PPP2R2C: variants seen among roughly 807,000 people sequenced by gnomAD.
PPP2R2C encodes the protein protein phosphatase 2 regulatory subunit Bgamma.
Under a neutral mutation model 45.3 loss-of-function variants are expected in PPP2R2C, and 10 were observed. The ratio of observed to expected loss-of-function variants is 0.22; its 90% CI spans 0.14 to 0.37. The LOEUF is 0.37. Ranked by LOEUF, PPP2R2C falls within the 10% of genes least tolerant of loss-of-function variation. PPP2R2C has a pLI of 1.00. For missense variants in PPP2R2C, 308 were observed against 619.7 expected (o/e 0.50, Z 5.34); for synonymous variants, 257 against 245.4 (o/e 1.05, Z -0.44).
intron 2 of PPP2R2C, among the ~76,000 whole-genome samples, chr4:6,488,314 T>G (rs1370534450): frequency 6.6e-6 from 1 of 152,250 alleles, no homozygotes; most frequent in Non-Finnish European, 1.5e-5. Flanking sequence ...TTTTGCCTTT[T>G]AGGGTGCTGG....
At chr4:6,370,207 C>T (rs938424458) in intron 5 of PPP2R2C, among the ~76,000 whole-genome samples, 4 of 152,346 alleles carry the variant, frequency 2.6e-5, no homozygotes, top group African/African-American at 7.2e-5. Context: ...TGAGCTCTGG[C>T]TCTGCCCCTG....
chr4:6,336,580 G>T, intron 6 of PPP2R2C, among the ~76,000 whole-genome samples: 2 of 125,178 alleles, frequency 1.6e-5, no homozygotes, highest in Admixed American at 8.2e-5. Context: ...CAGCAAAGAT[G>T]CTGTACAGAG....
intron 2 of PPP2R2C, among the ~76,000 whole-genome samples, chr4:6,507,448 T>A (rs1393110185): frequency 1.3e-5 from 2 of 152,236 alleles, no homozygotes; most frequent in African/African-American, 4.8e-5. Context: ...CAGTTTCCAC[T>A]CTTGCCCTCT....
upstream of PPP2R2C, among the ~76,000 whole-genome samples, chr4:6,473,776 G>A (rs998214616): frequency 5.3e-5 from 8 of 152,228 alleles, no homozygotes; most frequent in African/African-American, 1.7e-4. Context: ...TGGGAAAGAC[G>A]AGGGAAGGTG....
chr4:6,511,373 C>CGGTGATGGTGGTGAT (rs1321886499), intron 2 of PPP2R2C, among the ~76,000 whole-genome samples: 1 of 111,462 alleles, frequency 9.0e-6, no homozygotes, highest in Non-Finnish European at 2.0e-5. Flanking sequence ...GTGGTGGTGG[C>CGGTGATGGTGGTGAT]GGTGATGGTG....
Position 6,407,281 on chromosome 4 carries a change from G to A in PPP2R2C, c.71-26187C>T, listed in dbSNP as rs146866094. 3.5e-3 allele frequency among the ~76,000 whole-genome samples: 534 copies of A among 152,348 alleles called. 2 individuals are homozygous for A. The highest frequency in any genetic ancestry group is 0.022 in the East Asian group (115 of 5,194). ...ATGGCCTTACAAGTGTGAGGCAAGT[G>A]GGGGAAGTCAACAATGACCCAGCAG... On this transcript the variant is annotated intron_variant, in intron 1 of 8. Transcript: ENST00000382599.
intron 1 of PPP2R2C, among the ~76,000 whole-genome samples, chr4:6,412,892 C>T (rs1335764217): frequency 8.5e-5 from 13 of 152,190 alleles, no homozygotes; most frequent in African/African-American, 3.1e-4. Flanking sequence ...AACAGGAAGT[C>T]GCCACCTGTG....
At chr4:6,446,891 AAC>A (rs1553900046) in intron 1 of PPP2R2C, among the ~76,000 whole-genome samples, 1 of 151,544 alleles carries the variant, frequency 6.6e-6, no homozygotes, top group Non-Finnish European at 1.5e-5. Flanking sequence ...AAAAAAAAAA[AAC>A]AAAACATGCT....
At chr4:6,544,632 C>T (rs979117435) in intron 1 of PPP2R2C, among the ~76,000 whole-genome samples, 2 of 152,268 alleles carry the variant, frequency 1.3e-5, no homozygotes, top group African/African-American at 4.8e-5. Flanking sequence ...CCAGCACACC[C>T]GGCTCCAAAA....
At chr4:6,472,905 G>T (rs957251870), upstream of PPP2R2C, among the ~76,000 whole-genome samples, 1 of 152,080 alleles carries the variant, frequency 6.6e-6, no homozygotes, top group Non-Finnish European at 1.5e-5. Flanking sequence ...TGCTGGGAAG[G>T]GGGCAGGAGG....
At chr4:6,562,433 A>G (rs899542836) in intron 1 of PPP2R2C, among the ~76,000 whole-genome samples, 2 of 145,468 alleles carry the variant, frequency 1.4e-5, no homozygotes, top group African/African-American at 5.1e-5. Flanking sequence ...TCCTTATCCT[A>G]TAATGGGGAT....
intron 1 of PPP2R2C, among the ~76,000 whole-genome samples, chr4:6,410,717 C>G (rs573824111): frequency 6.6e-6 from 1 of 152,096 alleles, no homozygotes; most frequent in Non-Finnish European, 1.5e-5. Flanking sequence ...CCACTTACCA[C>G]CCCAGTGAGC....
chr4:6,409,878 C>T (rs1239005719), intron 1 of PPP2R2C, among the ~76,000 whole-genome samples: 1 of 152,198 alleles, frequency 6.6e-6, no homozygotes, highest in African/African-American at 2.4e-5. Context: ...CTGCCTGGAA[C>T]ACCCTTCCTA....
chr4:6,404,546 C>T (rs1717660384), intron 1 of PPP2R2C, among the ~76,000 whole-genome samples: 1 of 152,188 alleles, frequency 6.6e-6, no homozygotes, highest in South Asian at 2.1e-4. Flanking sequence ...GCTTCTCACT[C>T]TAAAGGTTTG....
intron 1 of PPP2R2C, among the ~76,000 whole-genome samples, chr4:6,397,342 G>A (rs1002751744): frequency 6.6e-6 from 1 of 152,232 alleles, no homozygotes; most frequent in Non-Finnish European, 1.5e-5. Flanking sequence ...GCCAGGGGGA[G>A]GCCTCAGCCT....
rs60094669 is a variant in PPP2R2C, at chr4:6,373,901, A to ATGTGTGTG, written c.448-1209_448-1202dup. Among the ~76,000 whole-genome samples the ATGTGTGTG allele has an allele frequency of 8.0e-4, 117 of 146,546 alleles. 1 individual carries two copies. In the East Asian group the frequency reaches 0.021, roughly 26 times the overall value. On this transcript the variant is annotated intron_variant, in intron 4 of 8. Transcript: ENST00000382599. ...ACTGAGTATACGTGTATGTGCATGC[A>ATGTGTGTG]TGTGTGTGTGTGTGTGTGTGTGTGT... is the stretch of plus-strand genomic sequence containing the variant.
intron 1 of PPP2R2C, among the ~76,000 whole-genome samples, chr4:6,422,925 G>A (rs897160128): frequency 2.0e-5 from 3 of 152,110 alleles, no homozygotes; most frequent in African/African-American, 7.2e-5. Flanking sequence ...AACTAACCTT[G>A]ACAGAGCACC....
At chr4:6,410,229 A>C (rs2109365831) in intron 1 of PPP2R2C, among the ~76,000 whole-genome samples, 1 of 152,322 alleles carries the variant, frequency 6.6e-6, no homozygotes, top group African/African-American at 2.4e-5. Flanking sequence ...AGTCTGCTGG[A>C]GTAGTGGGAG....
In PPP2R2C at chr4:6,378,178, T is replaced by C. The variant is rs543918433; in HGVS notation, c.334+229A>G. ...GGTCTGGCATACTCACTCATGGGAT[T>C]TACATGCTGCTCAAAAAGGGGGGCA... On this transcript the variant is annotated intron_variant, in intron 3 of 8. Coordinates refer to ENST00000382599, the MANE Select transcript of PPP2R2C (RefSeq NM_020416.4). The surrounding 1 kb of genome is among the most constrained non-coding windows in gnomAD (Gnocchi z 5.2). 6.6e-6 allele frequency among the ~76,000 whole-genome samples: 1 copy of C among 151,872 alleles called. No homozygotes were observed. The highest frequency in any genetic ancestry group is 1.5e-5 in the Non-Finnish European group (1 of 67,926).
Sources: gnomAD v4.1 joint callset for allele counts (sites outside exome capture counted in the v4.1 genomes callset) on GRCh38, gnomAD v4.1.1 for gene constraint, Gnocchi (gnomAD v3.1) non-coding constraint, MANE v1.5 for transcripts, NCBI Gene and HGNC (gene_info 2026-07-23, HGNC 2026-07-21) for gene names.